The following IGF2BP2 variants were observed in gnomAD, a reference collection of about 807,000 sequenced individuals.
IGF2BP2 encodes insulin like growth factor 2 mRNA binding protein 2.
A neutral mutation model predicts 75.8 loss-of-function variants in IGF2BP2; 17 were observed. That is an observed-to-expected ratio of 0.22 (90% CI 0.15 to 0.34). The LOEUF is 0.34. IGF2BP2 is among the 10% of genes least tolerant of loss of function. The pLI, the probability that IGF2BP2 is intolerant of heterozygous loss-of-function variation, is 1.00. For missense variants in IGF2BP2, 516 were observed against 772.4 expected (o/e 0.67, Z 3.93); for synonymous variants, 288 against 295.6 (o/e 0.97, Z 0.26).
intron 2 of IGF2BP2, chr3:185,722,088 C>G: frequency 2.8e-6 from 1 of 351,428 alleles, no homozygotes; most frequent in Non-Finnish European, 5.5e-6. Context: ...CCAACCACAT[C>G]TGATTTTTTT....
At chr3:185,682,161 T>C (rs1482257887) in intron 7 of IGF2BP2, among the ~76,000 whole-genome samples, 1 of 152,226 alleles carries the variant, frequency 6.6e-6, no homozygotes, top group Non-Finnish European at 1.5e-5. Flanking sequence ...ATTATTTATT[T>C]GATAAGGGGT....
chr3:185,772,730 C>T (rs527402297), intron 2 of IGF2BP2, among the ~76,000 whole-genome samples: 2 of 152,028 alleles, frequency 1.3e-5, no homozygotes, highest in South Asian at 2.1e-4. Context: ...TACAGGCATG[C>T]GCCACCATGC....
intron 2 of IGF2BP2, among the ~76,000 whole-genome samples, chr3:185,706,219 G>A (rs1054337021): frequency 1.3e-5 from 2 of 152,118 alleles, no homozygotes; most frequent in Admixed American, 1.3e-4. Flanking sequence ...AAGAGATGGT[G>A]GATAATTCCA....
At chr3:185,660,832 A>G (rs899668714) in intron 10 of IGF2BP2, among the ~76,000 whole-genome samples, 1 of 152,198 alleles carries the variant, frequency 6.6e-6, no homozygotes, top group African/African-American at 2.4e-5. Context: ...AGAGCACTTC[A>G]GCCCTCCTCC....
intron 5 of IGF2BP2, among the ~76,000 whole-genome samples, chr3:185,691,097 C>CT (rs1007243708): frequency 3.3e-5 from 5 of 151,454 alleles, no homozygotes; most frequent in Non-Finnish European, 5.9e-5. Context: ...TTACCTTTTT[C>CT]TTTTTTTTTA....
At chr3:185,666,399 C>T (rs965672029) in intron 10 of IGF2BP2, among the ~76,000 whole-genome samples, 8 of 152,092 alleles carry the variant, frequency 5.3e-5, no homozygotes, top group Admixed American at 2.0e-4. Context: ...TTTGAGAGGC[C>T]GAGGCAGGTG....
intron 10 of IGF2BP2, 92 bp from the exon 11 acceptor site, chr3:185,658,501 T>C: frequency 3.8e-6 from 4 of 1,040,340 alleles, no homozygotes; most frequent in Non-Finnish European, 5.8e-6. Context: ...CGACACAGGC[T>C]CTCTGTGGCA....
intron 2 of IGF2BP2, among the ~76,000 whole-genome samples, chr3:185,789,822 C>T (rs1048467151): frequency 7.3e-5 from 11 of 149,852 alleles, no homozygotes; most frequent in African/African-American, 2.4e-4. Flanking sequence ...CAACCTCCAA[C>T]ACCCAGGTTC....
At chr3:185,758,885 C>A (rs1379021187) in intron 2 of IGF2BP2, among the ~76,000 whole-genome samples, 1 of 152,174 alleles carries the variant, frequency 6.6e-6, no homozygotes, top group Non-Finnish European at 1.5e-5. Context: ...GATAGAGCTC[C>A]ACGGTAGGAG....
At chr3:185,750,482 T>C (rs1242072175) in intron 2 of IGF2BP2, among the ~76,000 whole-genome samples, 1 of 152,150 alleles carries the variant, frequency 6.6e-6, no homozygotes, top group East Asian at 1.9e-4. Flanking sequence ...CACCTGAGTA[T>C]CTAAAGCTCT....
intron 5 of IGF2BP2, among the ~76,000 whole-genome samples, chr3:185,692,096 C>T (rs1201470619): frequency 5.3e-5 from 8 of 152,116 alleles, no homozygotes; most frequent in Admixed American, 1.3e-4. Flanking sequence ...AATTAACCAT[C>T]CCTGAAGTAA....
chr3:185,743,613 TG>T (rs1282288100), intron 2 of IGF2BP2, among the ~76,000 whole-genome samples: 1 of 152,210 alleles, frequency 6.6e-6, no homozygotes, highest in Non-Finnish European at 1.5e-5. Context: ...TCCTGTTTTT[TG>T]AACAAGGGAC....
At position 185,795,556 on chromosome 3, in the gene IGF2BP2, A is replaced by G. The variant is rs897400788; in HGVS notation, c.239+27597T>C. Among the ~76,000 whole-genome samples, 3 of 152,240 alleles carry G rather than the reference A, an allele frequency of 2.0e-5. No homozygotes were observed. The East Asian group carries it at 5.8e-4, about 29-fold the overall frequency. On this transcript the variant is annotated intron_variant, in intron 2 of 15. Transcript: ENST00000382199. The stretch of plus-strand genomic sequence containing the variant: ...CAAATGTGTCTTGAAAGAGACAAAG[A>G]GGAGACAAAATCATCTGGGTTGGTG...
chr3:185,698,389 C>T (rs1560314027), intron 2 of IGF2BP2, 42 bp from the exon 3 acceptor site: 3 of 1,558,206 alleles, frequency 1.9e-6, no homozygotes, highest in East Asian at 2.2e-5. Flanking sequence ...TTCTCCAGGA[C>T]ACAAACTACA....
intron 12 of IGF2BP2, 150 bp downstream of exon 12, chr3:185,657,136 G>A (rs774451389): frequency 3.5e-5 from 20 of 566,084 alleles, no homozygotes; most frequent in African/African-American, 5.5e-5. Flanking sequence ...AGATGAGAGC[G>A]GACGGGAATA....
intron 2 of IGF2BP2, among the ~76,000 whole-genome samples, chr3:185,714,300 G>C (rs181071780): frequency 3.3e-5 from 5 of 152,026 alleles, no homozygotes; most frequent in African/African-American, 1.2e-4. Context: ...GTCTTCTACT[G>C]ATGGACACAA....
chr3:185,712,031 T>C (rs146906278), intron 2 of IGF2BP2, among the ~76,000 whole-genome samples: 9 of 152,308 alleles, frequency 5.9e-5, no homozygotes, highest in African/African-American at 2.2e-4. Context: ...TGTGAATGAA[T>C]CTGGCAACTA....
chr3:185,790,845 T>C (rs1393279408), intron 2 of IGF2BP2, among the ~76,000 whole-genome samples: 1 of 152,180 alleles, frequency 6.6e-6, no homozygotes, highest in Non-Finnish European at 1.5e-5. Flanking sequence ...AAGACTTTAT[T>C]TGAAAGGAAG....
intron 2 of IGF2BP2, among the ~76,000 whole-genome samples, chr3:185,795,713 T>C (rs1737279033): frequency 6.6e-6 from 1 of 152,004 alleles, no homozygotes; most frequent in South Asian, 2.1e-4. Flanking sequence ...AAACCCTGTA[T>C]CTACTAAAAA....
Sources: gnomAD v4.1 joint callset for allele counts (sites outside exome capture counted in the v4.1 genomes callset) on GRCh38, gnomAD v4.1.1 for gene constraint, MANE v1.5 for transcripts, NCBI Gene and HGNC (gene_info 2026-07-23, HGNC 2026-07-21) for gene names.